The following STPG2 variants were observed in gnomAD, a reference collection of about 807,000 sequenced individuals.
The protein encoded by STPG2 is sperm tail PG-rich repeat containing 2.
In STPG2, 56 loss-of-function variants were observed where a neutral mutation model predicts 54.2. The observed-to-expected ratio is 1.03, with a 90% confidence interval of 0.83 to 1.29. The LOEUF is 1.29. Ranked by LOEUF, STPG2 falls within the 50% of genes most tolerant of loss-of-function variation. STPG2 has a pLI of 0.00. For synonymous variants in STPG2, 200 were observed against 181.8 expected (o/e 1.10, Z -0.81); for missense variants, 596 against 544.9 (o/e 1.09, Z -0.93).
chr4:98,085,647 T>C (rs1348083668), intron 5 of STPG2, among the ~76,000 whole-genome samples: 1 of 152,090 alleles, frequency 6.6e-6, no homozygotes, highest in Non-Finnish European at 1.5e-5. Context: ...TGTTTTGAGG[T>C]GCTACTTTAA....
At chr4:97,807,621 T>C (rs951487543) in intron 9 of STPG2, among the ~76,000 whole-genome samples, 1 of 150,742 alleles carries the variant, frequency 6.6e-6, no homozygotes, top group Non-Finnish European at 1.5e-5. Context: ...AAATGAAACA[T>C]GGGGGAACAA....
chr4:97,924,001 T>C (rs547105283), intron 8 of STPG2, among the ~76,000 whole-genome samples: 1 of 152,236 alleles, frequency 6.6e-6, no homozygotes, highest in South Asian at 2.1e-4. Context: ...CCCACTTGGG[T>C]CCCCTTCCAC....
At chr4:97,634,849 C>A (rs905333806) in intron 10 of STPG2, among the ~76,000 whole-genome samples, 14 of 150,242 alleles carry the variant, frequency 9.3e-5, no homozygotes, top group African/African-American at 3.4e-4. Flanking sequence ...GTGAAAAGAC[C>A]AAATCTACGT....
At chr4:97,694,303 TAAGCTCA>T (rs918957488) in intron 10 of STPG2, among the ~76,000 whole-genome samples, 1 of 151,746 alleles carries the variant, frequency 6.6e-6, no homozygotes, top group African/African-American at 2.4e-5. Context: ...AGGATCCAAA[TAAGCTCA>T]ATTAGAAATG....
At chr4:97,885,727 T>A (rs1360006187) in intron 8 of STPG2, among the ~76,000 whole-genome samples, 1 of 152,180 alleles carries the variant, frequency 6.6e-6, no homozygotes, top group Non-Finnish European at 1.5e-5. Flanking sequence ...AAACATAGTT[T>A]CTGGAAGGTC....
intron 8 of STPG2, among the ~76,000 whole-genome samples, chr4:97,873,394 C>T (rs1730060020): frequency 6.6e-6 from 1 of 151,388 alleles, no homozygotes; most frequent in Non-Finnish European, 1.5e-5. Flanking sequence ...AAATACAGTG[C>T]AACATTTGTT....
At chr4:97,824,475 T>C (rs1450848965) in intron 9 of STPG2, among the ~76,000 whole-genome samples, 1 of 152,152 alleles carries the variant, frequency 6.6e-6, no homozygotes, top group East Asian at 1.9e-4. Context: ...CTGTTGTATT[T>C]TGTGCTATGA....
At chr4:97,484,627 G>A (rs1431615080) in intron 4 of STPG2, among the ~76,000 whole-genome samples, 1 of 151,750 alleles carries the variant, frequency 6.6e-6, no homozygotes, top group Non-Finnish European at 1.5e-5. Flanking sequence ...AATTCTACTA[G>A]ACATCCAAAG....
At chr4:97,474,941 A>G (rs1417816496) in intron 4 of STPG2, among the ~76,000 whole-genome samples, 1 of 152,036 alleles carries the variant, frequency 6.6e-6, no homozygotes, top group Non-Finnish European at 1.5e-5. Context: ...TTAACATGCT[A>G]GTTTAGTGAT....
chr4:97,910,248 T>A lies in STPG2; in HGVS notation c.1044+33649A>T, dbSNP rs557659597. 1.1e-4 allele frequency among the ~76,000 whole-genome samples: 17 copies of A among 152,270 alleles called. No homozygotes were observed. The South Asian group carries it at 3.5e-3, about 32-fold the overall frequency. On this transcript the variant is annotated intron_variant, in intron 8 of 10. Coordinates refer to ENST00000295268, the MANE Select transcript of STPG2 (RefSeq NM_174952.3). ...CCATGTCATCGAACTCATCCTGTACTAAGTAAATAACAGCAAAAGGCAGCA... is the reference window on the plus strand; with the variant it reads ...CCATGTCATCGAACTCATCCTGTACAAAGTAAATAACAGCAAAAGGCAGCA...
chr4:97,767,947 C>T (rs1726103657), intron 9 of STPG2, among the ~76,000 whole-genome samples: 1 of 152,166 alleles, frequency 6.6e-6, no homozygotes, highest in African/African-American at 2.4e-5. Context: ...GCGGGCAGAT[C>T]ACCAGGTCAG....
At chr4:97,934,890 C>T (rs1425506094) in intron 8 of STPG2, among the ~76,000 whole-genome samples, 1 of 151,986 alleles carries the variant, frequency 6.6e-6, no homozygotes, top group South Asian at 2.1e-4. Flanking sequence ...TAAGGAGAAG[C>T]CCCACCTTTT....
chr4:97,906,131 G>A (rs1336620120), intron 8 of STPG2, among the ~76,000 whole-genome samples: 2 of 151,320 alleles, frequency 1.3e-5, no homozygotes, highest in African/African-American at 4.9e-5. Flanking sequence ...AGACTAATAA[G>A]GAAAAAAAGA....
At chr4:97,532,947 A>G (rs1194178794) in intron 4 of STPG2, among the ~76,000 whole-genome samples, 4 of 152,080 alleles carry the variant, frequency 2.6e-5, no homozygotes, top group Admixed American at 2.6e-4. Flanking sequence ...CAGTGGTGCA[A>G]TCCCAGCTCA....
Position 97,853,140 on chromosome 4 carries a change from C to T in STPG2, c.1045-12208G>A, listed in dbSNP as rs189158180. On this transcript the variant is annotated intron_variant, in intron 8 of 10. Transcript: ENST00000295268. ...CACAGGCACCCGCCACCGCGCCCAG[C>T]TAATTTTTTGTATTTTTTTAGTACA... Among the ~76,000 whole-genome samples, 584 of 151,942 alleles carry T rather than the reference C, an allele frequency of 3.8e-3. 4 individuals carry two copies. Among genetic ancestry groups the T allele is most frequent in the Non-Finnish European group, 6.8e-3 (464 of 67,940 alleles).
At chr4:98,112,959 A>C (rs1739405083) in intron 3 of STPG2, among the ~76,000 whole-genome samples, 1 of 151,956 alleles carries the variant, frequency 6.6e-6, no homozygotes, top group Non-Finnish European at 1.5e-5. Flanking sequence ...GTTCTAACAC[A>C]GACAATCCTC....
intron 8 of STPG2, among the ~76,000 whole-genome samples, chr4:97,864,672 C>T (rs766996439): frequency 6.6e-6 from 1 of 152,108 alleles, no homozygotes; most frequent in South Asian, 2.1e-4. Context: ...GGAGGCATCA[C>T]ACTACCTGAC....
intron 5 of STPG2, among the ~76,000 whole-genome samples, chr4:98,008,191 A>C (rs1379774619): frequency 6.6e-6 from 1 of 152,164 alleles, no homozygotes; most frequent in Non-Finnish European, 1.5e-5. Flanking sequence ...AATCAGCAAG[A>C]GAAAAGCATC....
At chr4:97,997,325 T>C (rs1479378221) in intron 5 of STPG2, among the ~76,000 whole-genome samples, 2 of 152,190 alleles carry the variant, frequency 1.3e-5, no homozygotes, top group African/African-American at 4.8e-5. Flanking sequence ...AGCACCAGCA[T>C]CTGCTTTTAA....
Sources: allele counts gnomAD v4.1 joint callset (sites outside exome capture counted in the v4.1 genomes callset), GRCh38; gene constraint gnomAD v4.1.1; transcripts MANE v1.5; gene names NCBI Gene and HGNC (gene_info 2026-07-23, HGNC 2026-07-21).